The following AQP5 variants were observed in gnomAD, a reference collection of about 807,000 sequenced individuals.
AQP5 encodes aquaporin-5.
In AQP5, 15 loss-of-function variants were observed where a neutral mutation model predicts 19.1. The observed-to-expected ratio is 0.79, with a 90% CI of 0.53 to 1.21. AQP5 has a LOEUF of 1.21. Ranked by LOEUF, AQP5 falls within the 50% of genes most tolerant of loss-of-function variation. The pLI is 0.00. For synonymous variants in AQP5, 182 were observed against 160.3 expected (o/e 1.14, Z -1.02); for missense variants, 355 against 357.1 (o/e 0.99, Z 0.05).
At chr12:49,962,763 G>A (rs1020545238) in intron 1 of AQP5, 1 of 201,432 alleles carries the variant, frequency 5.0e-6, no homozygotes, top group Non-Finnish European at 1.0e-5. Context: ...CTGTCATCAC[G>A]GCTTTGGGTG....
chr12:49,963,765 A>G (rs1284186862), intron 2 of AQP5, 109 bp downstream of exon 2: 4 of 1,399,318 alleles, frequency 2.9e-6, no homozygotes, highest in Non-Finnish European at 3.8e-6. Context: ...AGCAGAGTTT[A>G]AGGCCTGGAT....
rs555099046 is a variant in AQP5, at chr12:49,962,029, G to A, written c.12G>A (p.Glu4=). MKK[E]VCSVAFLKAV... is the part of the protein sequence containing the mutation. Reference sequence around the variant, plus strand: ...CCCCCGCGGCCACCATGAAGAAGGAGGTGTGCTCCGTGGCCTTCCTCAAGG... The same window carrying A: ...CCCCCGCGGCCACCATGAAGAAGGAAGTGTGCTCCGTGGCCTTCCTCAAGG... Residue 4 remains glutamate, a synonymous_variant, in exon 1 of 4, where the codon GAG becomes GAA. Transcript: ENST00000293599. 3 of 1,579,276 alleles carry A rather than the reference G, an allele frequency of 1.9e-6. No individual in the cohort carries two copies. The highest frequency in any genetic ancestry group is 2.3e-5 in the South Asian group (2 of 88,446).
Position 49,963,630 on chromosome 12 carries a change from T to A in AQP5, c.502T>A (p.Ser168Thr). The A allele has an allele frequency of 1.2e-6, 2 of 1,613,720 alleles. No homozygotes were observed. Among genetic ancestry groups the A allele is most frequent in the African/African-American group, 1.3e-5 (1 of 75,080 alleles). The stretch of plus-strand genomic sequence containing the variant: ...CTCCCCAGCCCTGTCCATTGGCCTG[T>A]CTGTCACCCTGGGCCACCTTGTCGG... ...VGSPALSIGLSVTLGHLVGIY... is the reference protein window; with the variant it reads ...VGSPALSIGLTVTLGHLVGIY... Residue 168 changes from serine (S) to threonine (T), a missense_variant, in exon 2 of 4, where the codon TCT becomes ACT. Ser to Thr is a moderately conservative substitution (Grantham distance 58, BLOSUM62 1). Coordinates refer to ENST00000293599, the MANE Select transcript of AQP5 (RefSeq NM_001651.4).
At chr12:49,964,484 C>T (rs1393520084) in intron 3 of AQP5, 1 of 291,478 alleles carries the variant, frequency 3.4e-6, no homozygotes, top group Non-Finnish European at 5.1e-6. Flanking sequence ...GTGTCCGTCC[C>T]CCTCGGTGTC....
chr12:49,962,101 C>T lies in AQP5; in HGVS notation c.84C>T (p.Gly28=). The T allele has an allele frequency of 1.9e-6, 3 of 1,613,536 alleles. No homozygotes were observed. The highest frequency in any genetic ancestry group is 2.5e-6 in the Non-Finnish European group (3 of 1,179,736). ...CCACCCTCATCTTCGTCTTCTTTGGCCTGGGCTCGGCCCTCAAGTGGCCGT... is the reference window on the plus strand; with the variant it reads ...CCACCCTCATCTTCGTCTTCTTTGGTCTGGGCTCGGCCCTCAAGTGGCCGT... ...FLATLIFVFF[G]LGSALKWPSA... The change falls in exon 1 of 4, where the codon GGC becomes GGT. Residue 28 remains glycine, a synonymous_variant. Transcript: ENST00000293599.
intron 1 of AQP5, 30 bp from the exon 2 acceptor site, chr12:49,963,462 C>CT: frequency 6.2e-7 from 1 of 1,608,030 alleles, no homozygotes; most frequent in South Asian, 1.1e-5. Context: ...CAGAAGGTGG[C>CT]CGGGGTCCTA....
chr12:49,964,590 G>GC (rs61339259), intron 3 of AQP5: 40,589 of 952,760 alleles, frequency 0.043, 3,919 homozygotes, highest in African/African-American at 0.35. Flanking sequence ...CAGTCTGTCT[G>GC]CCCCCCCTTT....
chr12:49,962,627 C>A, intron 1 of AQP5: 1 of 411,972 alleles, frequency 2.4e-6, no homozygotes. Context: ...CCTGCTACCC[C>A]TCCTCTCCTG....
intron 2 of AQP5, 138 bp downstream of exon 2, chr12:49,963,794 G>A (rs1007934281): frequency 2.5e-6 from 3 of 1,201,432 alleles, no homozygotes; most frequent in Non-Finnish European, 3.4e-6. Flanking sequence ...CCTGGACTCT[G>A]GCCCTACTGG....
chr12:49,965,267 C>G lies in AQP5; in HGVS notation c.*90C>G. 1 of 1,398,228 alleles carries G rather than the reference C, an allele frequency of 7.2e-7. No homozygotes were observed. The highest frequency in any genetic ancestry group is 9.4e-7 in the Non-Finnish European group (1 of 1,062,436). 86.6% of individuals were successfully genotyped at this position (1,398,228 alleles called of 1,614,324 possible). On this transcript the variant is annotated 3_prime_UTR_variant, in exon 4 of 4. Coordinates refer to ENST00000293599, the MANE Select transcript of AQP5 (RefSeq NM_001651.4). Reference sequence around the variant, plus strand: ...TAACACAAGCTTCCTTTTTGCACAACCGGTCCTCTTGGCTGAGGAGGAGGA... The same window carrying G: ...TAACACAAGCTTCCTTTTTGCACAAGCGGTCCTCTTGGCTGAGGAGGAGGA...
intron 3 of AQP5, chr12:49,964,735 G>A: frequency 1.0e-6 from 1 of 985,386 alleles, no homozygotes; most frequent in Non-Finnish European, 1.2e-6. Flanking sequence ...CGGTGTGGTT[G>A]GAGGGAGCCT....
rs748233977 is a variant in AQP5 at position 49,962,176 on chromosome 12, A to G, written c.159A>G (p.Ile53Met). 6.8e-6 allele frequency: 11 copies of G among 1,610,742 alleles called. No homozygotes were observed. The highest frequency in any genetic ancestry group is 5.3e-5 in the African/African-American group (4 of 74,878). Reference protein sequence around the residue: ...LQIALAFGLAIGTLAQALGPV... With the variant: ...LQIALAFGLAMGTLAQALGPV... ...TCGCGCTGGCGTTTGGCCTGGCCAT[A>G]GGCACGCTGGCCCAGGCCCTGGGAC... Residue 53 changes from isoleucine to methionine, a missense_variant, in exon 1 of 4, where the codon ATA becomes ATG. Coordinates refer to ENST00000293599, the MANE Select transcript of AQP5 (RefSeq NM_001651.4).
rs1414511990 is a variant in AQP5, at chr12:49,962,028, A to T, written c.11A>T (p.Glu4Val). 6.6e-7 allele frequency: 1 copy of T among 1,511,202 alleles called. No homozygotes were observed. The highest frequency in any genetic ancestry group is 8.9e-7 in the Non-Finnish European group (1 of 1,122,660). 93.6% of individuals were successfully genotyped at this position (1,511,202 alleles called of 1,614,324 possible). ...GCCCCCGCGGCCACCATGAAGAAGG[A>T]GGTGTGCTCCGTGGCCTTCCTCAAG... MKKEVCSVAFLKAV... is the reference protein window; with the variant it reads MKKVVCSVAFLKAV... The change falls in exon 1 of 4, where the codon GAG becomes GTG. Residue 4 changes from glutamate to valine, a missense_variant. Coordinates refer to ENST00000293599, the MANE Select transcript of AQP5 (RefSeq NM_001651.4).
In AQP5 at chr12:49,962,266, G is replaced by A. The variant is rs1168063738; in HGVS notation, c.249G>A (p.Ser83=). ...TLALLVGNQI[S]LLRAFFYVAA... The stretch of plus-strand genomic sequence containing the variant: ...CCCTCTTGGTGGGCAACCAGATCTC[G>A]CTGCTCCGGGCTTTCTTCTACGTGG... The change falls in exon 1 of 4, where the codon TCG becomes TCA. Residue 83 remains serine (S), a synonymous_variant. Transcript: ENST00000293599. 1 of 1,606,680 alleles carries A rather than the reference G, an allele frequency of 6.2e-7. No homozygotes were observed. The highest frequency in any genetic ancestry group is 8.5e-7 in the Non-Finnish European group (1 of 1,179,878).
chr12:49,964,527 C>A, intron 3 of AQP5: 1 of 530,084 alleles, frequency 1.9e-6, no homozygotes, highest in Non-Finnish European at 2.4e-6. Flanking sequence ...TTTTATTTAT[C>A]TGTCCCTGTT....
chr12:49,964,798 A>G, intron 3 of AQP5, 194 bp from the exon 4 acceptor site: 1 of 985,126 alleles, frequency 1.0e-6, no homozygotes. Flanking sequence ...TCTGTGGTCC[A>G]TGTCTCTGTC....
rs1947480100 is a variant in AQP5 at position 49,965,452 on chromosome 12, G to A, written c.*275G>A. ...CCAAGCTCACAGGCTGCAAGGGCCA[G>A]GCCAGAAAAGGGCGGGCCTGCAGCC... On this transcript the variant is annotated 3_prime_UTR_variant, in exon 4 of 4. Transcript: ENST00000293599. The A allele has an allele frequency of 3.1e-6, 1 of 321,118 alleles. No individual in the cohort carries two copies. Among genetic ancestry groups the A allele is most frequent in the East Asian group, 5.7e-5 (1 of 17,524 alleles). 19.9% of individuals were successfully genotyped at this position (321,118 alleles called of 1,614,324 possible).
intron 2 of AQP5, 36 bp downstream of exon 2, chr12:49,963,692 G>T: frequency 6.3e-7 from 1 of 1,597,080 alleles, no homozygotes. Flanking sequence ...GGTGAGGGTG[G>T]GGCAGGCACT....
intron 3 of AQP5, 135 bp downstream of exon 3, chr12:49,964,310 A>C: frequency 2.2e-6 from 2 of 928,832 alleles, no homozygotes; most frequent in Non-Finnish European, 3.3e-6. Context: ...GCTGACAGAG[A>C]AAGGGACACA....
Sources: gnomAD v4.1 joint callset for allele counts on GRCh38, gnomAD v4.1.1 for gene constraint, MANE v1.5 for transcripts, NCBI Gene and HGNC (gene_info 2026-07-23, HGNC 2026-07-21) for gene names.